The following NARF variants were observed in gnomAD, a reference collection of about 807,000 sequenced individuals.
The protein encoded by NARF is iron-only hydrogenase-like protein 2.
NARF carries 41 observed loss-of-function variants against 48.0 expected under a neutral mutation model. The observed-to-expected ratio is 0.85, with a 90% CI of 0.66 to 1.11. The LOEUF is 1.11. NARF is among the 50% of genes least tolerant of loss of function. The pLI is 0.00. For missense variants in NARF, 613 were observed against 590.2 expected (o/e 1.04, Z -0.40); for synonymous variants, 215 against 225.5 (o/e 0.95, Z 0.42).
At chr17:82,482,429 C>G (rs936343157) in intron 7 of NARF, 1 of 177,822 alleles carries the variant, frequency 5.6e-6, no homozygotes, top group Admixed American at 5.9e-5. Flanking sequence ...ATAAAACATG[C>G]GCGGTGGGCT....
rs1239007330 is a variant in NARF, at chr17:82,459,239, C to T, written c.27+409C>T. 1.4e-5 allele frequency: 14 copies of T among 978,318 alleles called. 1 individual carries two copies. Among genetic ancestry groups the T allele is most frequent in the African/African-American group, 1.7e-5 (1 of 57,586 alleles). 60.6% of individuals were successfully genotyped at this position (978,318 alleles called of 1,614,324 possible). On this transcript the variant is annotated intron_variant, in intron 1 of 10. Transcript: ENST00000309794. ...CCGGTGCAGGGGCGGAAGCGGGTGA[C>T]GGCTGCTGACCGGCGCCTTCCGCGG...
intron 3 of NARF, among the ~76,000 whole-genome samples, chr17:82,464,671 A>G (rs1401785172): frequency 2.0e-5 from 3 of 152,230 alleles, no homozygotes; most frequent in South Asian, 2.1e-4. Flanking sequence ...ATCACCCCTC[A>G]GGCTCCTGTG....
intron 7 of NARF, chr17:82,483,397 T>C (rs757664724): frequency 3.0e-6 from 1 of 331,822 alleles, no homozygotes. Context: ...GTTTTCTGTT[T>C]GTTTCATGCA....
At chr17:82,483,901 A>C in intron 8 of NARF, 122 bp downstream of exon 8, 1 of 847,512 alleles carries the variant, frequency 1.2e-6, no homozygotes, top group Admixed American at 2.2e-5. Context: ...ACTGCGATGC[A>C]GTCCCCCAGG....
At chr17:82,477,873 C>G (rs139137434) in intron 5 of NARF, 1 of 152,208 alleles carries the variant, frequency 6.6e-6, no homozygotes, top group African/African-American at 2.4e-5. Context: ...TGAGCACACA[C>G]GGGCGTCTTT....
At chr17:82,458,994 G>A (rs999271101) in intron 1 of NARF, 164 bp downstream of exon 1, 113 of 1,212,314 alleles carry the variant, frequency 9.3e-5, no homozygotes, top group Admixed American at 5.7e-4. Context: ...CGGCCGGCGC[G>A]GGGTCCGCTG....
At chr17:82,474,388 A>G (rs1375775045) in intron 5 of NARF, among the ~76,000 whole-genome samples, 2 of 152,204 alleles carry the variant, frequency 1.3e-5, no homozygotes. Flanking sequence ...GTTATAGAAG[A>G]GATTTGTCAC....
intron 10 of NARF, among the ~76,000 whole-genome samples, chr17:82,487,407 C>T (rs2044119158): frequency 2.0e-5 from 3 of 151,566 alleles, no homozygotes; most frequent in Admixed American, 2.0e-4. Flanking sequence ...TCGCTTGAGC[C>T]CAGGAGATGG....
intron 7 of NARF, 34 bp downstream of exon 7, chr17:82,481,245 G>C (rs1341556847): frequency 5.6e-6 from 9 of 1,611,256 alleles, no homozygotes; most frequent in Admixed American, 1.7e-5. Context: ...CTGGGCGCTG[G>C]GGTAATCTCC....
Position 82,472,553 on chromosome 17 carries a change from C to G in NARF, c.386-11C>G, listed in dbSNP as rs756629915. 1 of 1,601,052 alleles carries G rather than the reference C, an allele frequency of 6.2e-7. No individual in the cohort carries two copies. The highest frequency in any genetic ancestry group is 8.5e-7 in the Non-Finnish European group (1 of 1,174,230). ...CGTGATTTAAGCTGAATATGCTCCTCTCTCCTGCAGGGGTGCACTATGTAT... is the reference window on the plus strand; with the variant it reads ...CGTGATTTAAGCTGAATATGCTCCTGTCTCCTGCAGGGGTGCACTATGTAT... On this transcript the variant is annotated splice_polypyrimidine_tract_variant and intron_variant, in intron 4 of 10. Coordinates refer to ENST00000309794, the MANE Select transcript of NARF (RefSeq NM_012336.4).
At chr17:82,483,533 C>T (rs75322437) in intron 7 of NARF, 183 bp from the exon 8 acceptor site, 18,255 of 574,240 alleles carry the variant, frequency 0.032, 429 homozygotes, top group South Asian at 0.071. Context: ...ATTCTGCTTA[C>T]GTTTTATTAG....
intron 4 of NARF, among the ~76,000 whole-genome samples, chr17:82,471,491 C>T (rs1599833053): frequency 6.7e-6 from 1 of 149,052 alleles, no homozygotes; most frequent in East Asian, 2.0e-4. Flanking sequence ...AAAATTTAAG[C>T]CATTATAAAA....
rs1567929303 is a variant in NARF, at chr17:82,464,345, G to A, written c.167G>A (p.Cys56Tyr). 6.2e-7 allele frequency: 1 copy of A among 1,614,116 alleles called. No homozygotes were observed. Among genetic ancestry groups the A allele is most frequent in the Non-Finnish European group, 8.5e-7 (1 of 1,179,960 alleles). Residue 56 changes from cysteine to tyrosine, a missense_variant, in exon 3 of 11, where the codon TGT becomes TAT. Transcript: ENST00000309794. ...ATATTTTTGAGCGACTGCCTGGCAT[G>A]TGACAGCTGTATGACTGCAGAGGAA... ...AKIFLSDCLA[C>Y]DSCMTAEEGV...
intron 3 of NARF, among the ~76,000 whole-genome samples, chr17:82,465,514 C>A (rs748974442): frequency 2.8e-4 from 43 of 152,172 alleles, no homozygotes; most frequent in Non-Finnish European, 4.0e-4. Flanking sequence ...GCCAAGGAGC[C>A]TTCTCAGCGT....
chr17:82,471,568 G>A (rs536334348), intron 4 of NARF, among the ~76,000 whole-genome samples: 28 of 149,454 alleles, frequency 1.9e-4, no homozygotes, highest in African/African-American at 6.2e-4. Flanking sequence ...CGAGGCGGGC[G>A]GATCACGAGG....
At chr17:82,482,029 G>A (rs1316889336) in intron 7 of NARF, 1 of 293,498 alleles carries the variant, frequency 3.4e-6, no homozygotes, top group African/African-American at 2.3e-5. Flanking sequence ...GTTGTGGATG[G>A]AAGTGATTCC....
rs750637337 is a variant in NARF at position 82,472,667 on chromosome 17, C to T, written c.489C>T (p.Arg163=). ...RRYRQHSEEE[R]TLPMLTSACP... Reference sequence around the variant, plus strand: ...ATCGCCAGCACAGTGAGGAGGAACGCACCCTGCCCATGCTGACCTCTGCCT... The same window carrying T: ...ATCGCCAGCACAGTGAGGAGGAACGTACCCTGCCCATGCTGACCTCTGCCT... Residue 163 remains arginine (R), a synonymous_variant, in exon 5 of 11, where the codon CGC becomes CGT. Coordinates refer to ENST00000309794, the MANE Select transcript of NARF (RefSeq NM_012336.4). 2.4e-5 allele frequency: 39 copies of T among 1,613,796 alleles called. No homozygotes were observed. The highest frequency in any genetic ancestry group is 3.2e-5 in the Non-Finnish European group (38 of 1,179,950).
At chr17:82,480,761 A>T (rs886215659) in intron 6 of NARF, 3 of 478,010 alleles carry the variant, frequency 6.3e-6, no homozygotes, top group Non-Finnish European at 7.4e-6. Flanking sequence ...GTGAAACCCC[A>T]TCTCTACTAA....
chr17:82,478,165 G>A (rs186526963), intron 5 of NARF, among the ~76,000 whole-genome samples: 8 of 152,344 alleles, frequency 5.3e-5, no homozygotes, highest in Admixed American at 5.2e-4. Flanking sequence ...CAGGGCTCCT[G>A]CGGTGGAATT....
Sources: gnomAD v4.1 joint callset for allele counts (sites outside exome capture counted in the v4.1 genomes callset) on GRCh38, gnomAD v4.1.1 for gene constraint, MANE v1.5 for transcripts, NCBI Gene and HGNC (gene_info 2026-07-23, HGNC 2026-07-21) for gene names.